The following EXOC6B variants were observed in gnomAD, a reference collection of about 807,000 sequenced individuals.
EXOC6B encodes the protein SEC15 homolog B.
Under a neutral mutation model 113.5 loss-of-function variants are expected in EXOC6B, and 54 were observed. That is an observed-to-expected ratio of 0.48 (90% CI 0.38 to 0.60). The LOEUF (loss-of-function observed/expected upper bound fraction) is 0.60, where lower values mean the gene tolerates loss of function less well. Among genes scored for constraint, EXOC6B ranks in the 20% least tolerant of loss-of-function variants. The probability of loss-of-function intolerance (pLI) is 0.00; values close to 1 mark genes in which losing one functional copy is unlikely to be tolerated. For synonymous variants in EXOC6B, 357 were observed against 339.0 expected, an observed-to-expected ratio of 1.05 and a Z score of -0.58; for missense variants, 797 against 977.5, an observed-to-expected ratio of 0.82 and a Z score of 2.46.
chr2:72,232,186 G>A (rs1681667274), intron 20 of EXOC6B, among the ~76,000 whole-genome samples: 1 of 152,004 alleles, frequency 6.6e-6, no homozygotes, highest in Non-Finnish European at 1.5e-5. Flanking sequence ...CGTTGGCCAG[G>A]CTTGTTTCAA....
chr2:72,231,311 G>C (rs1681606413), intron 20 of EXOC6B, among the ~76,000 whole-genome samples: 1 of 152,088 alleles, frequency 6.6e-6, no homozygotes, highest in African/African-American at 2.4e-5. Flanking sequence ...TTAAATCTTA[G>C]TTTCAGATCC....
intron 20 of EXOC6B, among the ~76,000 whole-genome samples, chr2:72,249,096 C>T (rs768042): frequency 0.46 from 69,664 of 151,986 alleles, 20,963 homozygotes; most frequent in African/African-American, 0.86. Flanking sequence ...AGAGCGTGTG[C>T]CTCCAAAACA....
intron 20 of EXOC6B, among the ~76,000 whole-genome samples, chr2:72,296,711 A>T (rs1390206030): frequency 6.6e-6 from 1 of 152,106 alleles, no homozygotes; most frequent in African/African-American, 2.4e-5. Flanking sequence ...AGTAAAACAC[A>T]TCTCAAGAGA....
At chr2:72,423,905 G>T (rs1010241947) in intron 18 of EXOC6B, among the ~76,000 whole-genome samples, 20 of 152,116 alleles carry the variant, frequency 1.3e-4, no homozygotes, top group African/African-American at 4.3e-4. Context: ...ACATTACTGA[G>T]AATTTTCTTG....
chr2:72,715,439 T>A (rs981639518), intron 6 of EXOC6B, among the ~76,000 whole-genome samples: 1 of 147,850 alleles, frequency 6.8e-6, no homozygotes, highest in Non-Finnish European at 1.5e-5. Flanking sequence ...ATATATATAA[T>A]ATATAAAAAT....
At chr2:72,406,198 T>C (rs1323184563) in intron 18 of EXOC6B, among the ~76,000 whole-genome samples, 1 of 152,156 alleles carries the variant, frequency 6.6e-6, no homozygotes, top group South Asian at 2.1e-4. Context: ...CCCAGATTCA[T>C]AAAGCAAGTC....
At chr2:72,181,656 C>T (rs1402888508) in intron 21 of EXOC6B, among the ~76,000 whole-genome samples, 1 of 152,120 alleles carries the variant, frequency 6.6e-6, no homozygotes, top group African/African-American at 2.4e-5. Context: ...ACAGGCAGCC[C>T]GCTGGCTTTT....
chr2:72,421,985 A>G (rs1694903571), intron 18 of EXOC6B, among the ~76,000 whole-genome samples: 1 of 152,194 alleles, frequency 6.6e-6, no homozygotes, highest in South Asian at 2.1e-4. Flanking sequence ...GTGGCTGCGG[A>G]GGGTGTACTG....
At chr2:72,312,364 G>A (rs1000495851) in intron 20 of EXOC6B, among the ~76,000 whole-genome samples, 1 of 151,586 alleles carries the variant, frequency 6.6e-6, no homozygotes, top group African/African-American at 2.4e-5. Flanking sequence ...CATGTGAATT[G>A]AAAAGTATTA....
intron 18 of EXOC6B, among the ~76,000 whole-genome samples, chr2:72,411,632 T>C (rs1175302418): frequency 6.6e-6 from 1 of 152,172 alleles, no homozygotes; most frequent in Non-Finnish European, 1.5e-5. Context: ...GCTGCCAGCA[T>C]TTATAATACA....
intron 7 of EXOC6B, among the ~76,000 whole-genome samples, chr2:72,562,232 T>A (rs1271112747): frequency 6.6e-6 from 1 of 152,040 alleles, no homozygotes; most frequent in African/African-American, 2.4e-5. Context: ...CAACATACAT[T>A]GGATGTGAAG....
chr2:72,647,126 T>A (rs1673783341), intron 6 of EXOC6B, among the ~76,000 whole-genome samples: 1 of 151,988 alleles, frequency 6.6e-6, no homozygotes, highest in South Asian at 2.1e-4. Flanking sequence ...TCACAAGCAA[T>A]CCTACACACC....
At chr2:72,489,818 TGCTAAAACTG>T (rs1699643307) in intron 16 of EXOC6B, among the ~76,000 whole-genome samples, 1 of 152,122 alleles carries the variant, frequency 6.6e-6, no homozygotes, top group South Asian at 2.1e-4. Flanking sequence ...GTTCTAGTGG[TGCTAAAACTG>T]AAAGGTAATT....
chr2:72,177,820 G>A lies in EXOC6B; in HGVS notation c.*1515C>T, dbSNP rs1249439551. On this transcript the variant is annotated 3_prime_UTR_variant, in exon 22 of 22. Coordinates refer to ENST00000272427, the MANE Select transcript of EXOC6B (RefSeq NM_015189.3). ...GTCTCTCCTCCCATCAATCCAAGCT[G>A]GAAATGCCTGTGTGGCTTATTTGTC... 6.6e-6 allele frequency: 1 copy of A among 152,184 alleles called. No individual in the cohort carries two copies. Among genetic ancestry groups the A allele is most frequent in the Non-Finnish European group, 1.5e-5 (1 of 68,034 alleles). 9.4% of individuals were successfully genotyped at this position (152,184 alleles called of 1,614,324 possible).
At chr2:72,781,874 C>T (rs1558997170) in intron 1 of EXOC6B, among the ~76,000 whole-genome samples, 3 of 152,064 alleles carry the variant, frequency 2.0e-5, no homozygotes, top group African/African-American at 4.8e-5. Flanking sequence ...CGCAGTGGTT[C>T]GCACTTGTAA....
chr2:72,640,469 A>G (rs976642102), intron 6 of EXOC6B, among the ~76,000 whole-genome samples: 12 of 152,230 alleles, frequency 7.9e-5, no homozygotes, highest in Non-Finnish European at 1.5e-5. Flanking sequence ...GAACGTCCCC[A>G]ACCTAGCTGG....
chr2:72,385,205 C>T (rs1225746793), intron 18 of EXOC6B, among the ~76,000 whole-genome samples: 1 of 152,040 alleles, frequency 6.6e-6, no homozygotes, highest in African/African-American at 2.4e-5. Flanking sequence ...GTAATAAACC[C>T]ACACATTTAT....
intron 19 of EXOC6B, among the ~76,000 whole-genome samples, chr2:72,336,835 C>T (rs902891634): frequency 6.6e-6 from 1 of 151,874 alleles, no homozygotes; most frequent in African/African-American, 2.4e-5. Context: ...GGTGAAATCC[C>T]GTCTCTACTA....
intron 18 of EXOC6B, among the ~76,000 whole-genome samples, chr2:72,457,569 GC>G (rs1697320063): frequency 6.6e-6 from 1 of 152,032 alleles, no homozygotes; most frequent in Non-Finnish European, 1.5e-5. Context: ...ACTTGAGACA[GC>G]ATTTCCTCTC....
Sources: gnomAD v4.1 joint callset for allele counts (sites outside exome capture counted in the v4.1 genomes callset) on GRCh38, gnomAD v4.1.1 for gene constraint, MANE v1.5 for transcripts, NCBI Gene and HGNC (gene_info 2026-07-23, HGNC 2026-07-21) for gene names.